Variants in LYPD6B observed in about 807,000 individuals in gnomAD.
The protein encoded by LYPD6B is LY6/PLAUR domain containing 6B, also known as ly6/PLAUR domain-containing protein 6B.
In LYPD6B, 17 loss-of-function variants were observed where a neutral mutation model predicts 22.8. The ratio of observed to expected loss-of-function variants is 0.75; its 90% CI spans 0.51 to 1.12. The LOEUF is 1.12. Ranked by LOEUF, LYPD6B falls within the 50% of genes most tolerant of loss-of-function variation. The pLI, the probability that LYPD6B is intolerant of heterozygous loss-of-function variation, is 0.00. For synonymous variants in LYPD6B, 106 were observed against 91.6 expected (o/e 1.16, Z -0.90); for missense variants, 221 against 258.3 (o/e 0.86, Z 0.99).
At chr2:149,135,434 T>C (rs988925407) in intron 2 of LYPD6B, among the ~76,000 whole-genome samples, 4 of 151,750 alleles carry the variant, frequency 2.6e-5, no homozygotes, top group African/African-American at 9.7e-5. Context: ...AAATGTGTAT[T>C]TTTGGCCAGG....
chr2:149,205,135 A>T, intron 3 of LYPD6B, 118 bp from the exon 4 acceptor site: 1 of 1,058,074 alleles, frequency 9.5e-7, no homozygotes, highest in Non-Finnish European at 1.4e-6. Flanking sequence ...TCCTGGCCCT[A>T]CACAACAGGT....
chr2:149,134,950 A>G (rs1688265432), intron 2 of LYPD6B, among the ~76,000 whole-genome samples: 2 of 152,208 alleles, frequency 1.3e-5, no homozygotes, highest in Non-Finnish European at 2.9e-5. Context: ...AACTCTTTGA[A>G]GATTATTTGT....
chr2:149,148,760 C>G (rs907878896), intron 2 of LYPD6B, among the ~76,000 whole-genome samples: 7 of 152,186 alleles, frequency 4.6e-5, no homozygotes, highest in African/African-American at 1.7e-4. Context: ...TTTGCCTCCT[C>G]TTGTTGAGGG....
intron 1 of LYPD6B, among the ~76,000 whole-genome samples, chr2:149,116,717 A>G (rs762180211): frequency 6.6e-6 from 1 of 152,242 alleles, no homozygotes; most frequent in Non-Finnish European, 1.5e-5. Context: ...TGCCTGACAT[A>G]TAATGGGCAC....
intron 3 of LYPD6B, among the ~76,000 whole-genome samples, chr2:149,171,578 T>A (rs577106421): frequency 6.6e-6 from 1 of 152,132 alleles, no homozygotes; most frequent in African/African-American, 2.4e-5. Flanking sequence ...GTTGTTACTT[T>A]ATATCTGTGA....
At chr2:149,162,320 A>G (rs1266235119) in intron 3 of LYPD6B, among the ~76,000 whole-genome samples, 1 of 152,194 alleles carries the variant, frequency 6.6e-6, no homozygotes, top group Non-Finnish European at 1.5e-5. Flanking sequence ...CCTGTAAGGA[A>G]GGGTCTATTA....
At chr2:149,051,857 G>T (rs1683577702) in intron 1 of LYPD6B, among the ~76,000 whole-genome samples, 1 of 151,948 alleles carries the variant, frequency 6.6e-6, no homozygotes, top group African/African-American at 2.4e-5. Flanking sequence ...GTAGAGACAG[G>T]GTTTCACCAT....
rs185460461 is a variant in LYPD6B at position 149,194,148 on chromosome 2, C to A, written c.78-11105C>A. On this transcript the variant is annotated intron_variant, in intron 3 of 6. Coordinates refer to ENST00000409642, the MANE Select transcript of LYPD6B (RefSeq NM_177964.5). ...CTGGTATACTGCTCATTAATATTCT[C>A]ATTTTCTTACTAATGTCTTTCTTCT... Among the ~76,000 whole-genome samples the A allele has an allele frequency of 7.9e-5, 12 of 152,290 alleles. No individual in the cohort carries two copies. In the East Asian group the frequency reaches 2.1e-3, roughly 27 times the overall value.
chr2:149,137,867 A>G (rs1230973083), intron 2 of LYPD6B, among the ~76,000 whole-genome samples: 1 of 152,168 alleles, frequency 6.6e-6, no homozygotes, highest in Non-Finnish European at 1.5e-5. Context: ...TTTTAATACA[A>G]TCTTTCTGGG....
At chr2:149,048,063 T>C (rs575177289) in intron 1 of LYPD6B, among the ~76,000 whole-genome samples, 11 of 152,340 alleles carry the variant, frequency 7.2e-5, no homozygotes, top group African/African-American at 2.6e-4. Context: ...ACTTTTATAA[T>C]TAATTTTGGT....
intron 1 of LYPD6B, among the ~76,000 whole-genome samples, chr2:149,086,015 A>G (rs1375386991): frequency 6.6e-6 from 1 of 152,178 alleles, no homozygotes; most frequent in East Asian, 1.9e-4. Flanking sequence ...AAACAACTCC[A>G]TCAAAATCCA....
chr2:149,061,179 A>T (rs539946284), intron 1 of LYPD6B, among the ~76,000 whole-genome samples: 2 of 145,288 alleles, frequency 1.4e-5, no homozygotes, highest in Non-Finnish European at 3.0e-5. Flanking sequence ...CCTTTCTCAG[A>T]CTTAGCAGGC....
intron 1 of LYPD6B, among the ~76,000 whole-genome samples, chr2:149,104,062 G>C (rs922962960): frequency 6.6e-5 from 10 of 152,046 alleles, no homozygotes; most frequent in African/African-American, 2.2e-4. Flanking sequence ...ACAGGTGTGA[G>C]CCACCGCACC....
chr2:149,047,143 C>A (rs983259681), intron 1 of LYPD6B, among the ~76,000 whole-genome samples: 6 of 152,164 alleles, frequency 3.9e-5, no homozygotes, highest in African/African-American at 1.4e-4. Context: ...TCATTTATAT[C>A]ATTTCCATCA....
intron 3 of LYPD6B, among the ~76,000 whole-genome samples, chr2:149,166,318 A>G (rs1690417968): frequency 6.6e-6 from 1 of 152,164 alleles, no homozygotes; most frequent in Non-Finnish European, 1.5e-5. Context: ...GAAAAATGAC[A>G]AATTTTGCTG....
intron 3 of LYPD6B, among the ~76,000 whole-genome samples, chr2:149,176,905 T>TA (rs968671889): frequency 6.6e-5 from 10 of 152,162 alleles, no homozygotes; most frequent in African/African-American, 2.4e-4. Flanking sequence ...ATAACTCTGC[T>TA]AAAAAGTGCC....
chr2:149,188,661 A>G, intron 3 of LYPD6B: 3 of 967,572 alleles, frequency 3.1e-6, no homozygotes, highest in Non-Finnish European at 3.7e-6. Flanking sequence ...ATTACAGCTA[A>G]TTAGTCTAAG....
chr2:149,070,988 C>G (rs989008528), intron 1 of LYPD6B, among the ~76,000 whole-genome samples: 2 of 152,102 alleles, frequency 1.3e-5, no homozygotes, highest in Admixed American at 1.3e-4. Flanking sequence ...TTTTGTCTAC[C>G]GATAAAAGGT....
chr2:149,094,240 C>T (rs1312295315), intron 1 of LYPD6B, among the ~76,000 whole-genome samples: 7 of 152,024 alleles, frequency 4.6e-5, no homozygotes, highest in Non-Finnish European at 7.3e-5. Context: ...AGAAAGGATT[C>T]GACTATCGGC....
Sources: allele counts gnomAD v4.1 joint callset (sites outside exome capture counted in the v4.1 genomes callset), GRCh38; gene constraint gnomAD v4.1.1; transcripts MANE v1.5; gene names NCBI Gene and HGNC (gene_info 2026-07-23, HGNC 2026-07-21).